The following OR9Q1 variants were observed in gnomAD, a reference collection of about 807,000 sequenced individuals.
OR9Q1 encodes the protein olfactory receptor 9Q1.
For missense variants in OR9Q1, 374 were observed against 378.8 expected (o/e 0.99, Z 0.11); for synonymous variants, 153 against 148.6 (o/e 1.03, Z -0.22).
chr11:58,179,424 G>A lies in OR9Q1; in HGVS notation c.-14-7G>A, dbSNP rs747768421. The A allele has an allele frequency of 6.6e-7, 1 of 1,504,384 alleles. No homozygotes were observed. Among genetic ancestry groups the A allele is most frequent in the Admixed American group, 2.1e-5 (1 of 47,508 alleles). The allele number at this position is 1,504,384 out of a possible 1,614,324, so 93.2% of individuals were successfully genotyped here. ...TCCTAACTTGCTTCCCATTCTACAT[G>A]TCTCAGGGACCACTGGTGTCATGGC... On this transcript the variant is annotated splice_region_variant and splice_polypyrimidine_tract_variant and intron_variant, in intron 2 of 2. Coordinates refer to ENST00000335397, the MANE Select transcript of OR9Q1 (RefSeq NM_001005212.4).
At chr11:58,117,649 T>C (rs1853970058) in intron 2 of OR9Q1, 1 of 152,202 alleles carries the variant, frequency 6.6e-6, no homozygotes, top group African/African-American at 2.4e-5. Context: ...TATTTATCTG[T>C]TGGTGCTCTC....
chr11:58,101,153 C>CAT (rs1226016488), intron 2 of OR9Q1, among the ~76,000 whole-genome samples: 3 of 151,730 alleles, frequency 2.0e-5, no homozygotes, highest in African/African-American at 7.3e-5. Flanking sequence ...AATAAATAAA[C>CAT]ATATATATAG....
chr11:58,105,946 C>T lies in OR9Q1; in HGVS notation c.-15+49999C>T, dbSNP rs76878132. ...GAATGTGGGAGTGCAGATCTTTCTT[C>T]GAGATCCTAATTTAAACTCTTTTGG... On this transcript the variant is annotated intron_variant, in intron 2 of 2. Coordinates refer to ENST00000335397, the MANE Select transcript of OR9Q1 (RefSeq NM_001005212.4). Among the ~76,000 whole-genome samples the T allele has an allele frequency of 2.8e-3, 420 of 152,112 alleles. 1 individual carries two copies. Among genetic ancestry groups the T allele is most frequent in the African/African-American group, 9.3e-3 (387 of 41,494 alleles).
At chr11:58,037,692 T>TAG (rs1565056527) in intron 1 of OR9Q1, among the ~76,000 whole-genome samples, 14 of 5,838 alleles carry the variant, frequency 2.4e-3, no homozygotes, top group African/African-American at 9.5e-3. Flanking sequence ...TATATATATT[T>TAG]TTTTTTTTTT....
At chr11:58,160,967 G>C (rs1854451575) in intron 2 of OR9Q1, among the ~76,000 whole-genome samples, 1 of 152,134 alleles carries the variant, frequency 6.6e-6, no homozygotes, top group Non-Finnish European at 1.5e-5. Flanking sequence ...AGTGAATGGA[G>C]AGAGTTAAGA....
At chr11:58,122,237 GGA>G (rs1267932284) in intron 2 of OR9Q1, among the ~76,000 whole-genome samples, 1 of 152,240 alleles carries the variant, frequency 6.6e-6, no homozygotes, top group African/African-American at 2.4e-5. Flanking sequence ...GGTCCTAGTG[GGA>G]GAGAGACATT....
intron 2 of OR9Q1, chr11:58,077,906 C>T (rs965093490): frequency 1.3e-5 from 2 of 152,202 alleles, no homozygotes; most frequent in African/African-American, 2.4e-5. Context: ...CCTGTAATCC[C>T]AGGACTTTAG....
At chr11:58,067,393 G>C (rs61904041) in intron 2 of OR9Q1, among the ~76,000 whole-genome samples, 23,873 of 152,104 alleles carry the variant, frequency 0.16, 2,019 homozygotes, top group Non-Finnish European at 0.19. Flanking sequence ...AGTGATCTTG[G>C]GCAAATCACC....
At chr11:58,177,737 G>A (rs1008363055) in intron 2 of OR9Q1, among the ~76,000 whole-genome samples, 5 of 152,210 alleles carry the variant, frequency 3.3e-5, no homozygotes, top group Admixed American at 6.5e-5. Context: ...AAAAATAAAA[G>A]TAATTCATTG....
At chr11:58,024,800 G>A (rs934921178) in intron 1 of OR9Q1, among the ~76,000 whole-genome samples, 1 of 152,178 alleles carries the variant, frequency 6.6e-6, no homozygotes, top group African/African-American at 2.4e-5. Flanking sequence ...GCTCACTGGA[G>A]CCTGTGGGAT....
At chr11:58,028,055 C>A (rs1338960637) in intron 1 of OR9Q1, among the ~76,000 whole-genome samples, 1 of 151,828 alleles carries the variant, frequency 6.6e-6, no homozygotes, top group African/African-American at 2.4e-5. Flanking sequence ...TGCTTTGTAC[C>A]AGGCCCTGGG....
chr11:58,097,208 A>C (rs1039291293), intron 2 of OR9Q1, among the ~76,000 whole-genome samples: 3 of 152,114 alleles, frequency 2.0e-5, no homozygotes, highest in Admixed American at 1.3e-4. Flanking sequence ...ATAAATATGA[A>C]TATTCTACAG....
At chr11:58,052,833 A>G (rs2119970032) in intron 1 of OR9Q1, among the ~76,000 whole-genome samples, 1 of 151,460 alleles carries the variant, frequency 6.6e-6, no homozygotes, top group African/African-American at 2.4e-5. Flanking sequence ...ATGCAGCCAA[A>G]AAACACATGA....
chr11:58,024,240 A>AT (rs1852948186), intron 1 of OR9Q1, 136 bp downstream of exon 1: 1 of 152,402 alleles, frequency 6.6e-6, no homozygotes, highest in East Asian at 1.9e-4. Flanking sequence ...GATGAGCTAG[A>AT]CCCAAGAGGA....
chr11:58,083,609 T>C (rs3974325), intron 2 of OR9Q1, among the ~76,000 whole-genome samples: 38,662 of 149,772 alleles, frequency 0.26, 5,596 homozygotes, highest in East Asian at 0.58. Flanking sequence ...CATTTAAGTC[T>C]TTAATCCATC....
At chr11:58,163,775 C>T (rs143485440) in intron 2 of OR9Q1, among the ~76,000 whole-genome samples, 24 of 152,308 alleles carry the variant, frequency 1.6e-4, no homozygotes, top group African/African-American at 5.8e-4. Flanking sequence ...TCTCCCAGGA[C>T]ACAGCTGGCG....
At chr11:58,076,369 GT>G (rs1029349530) in intron 2 of OR9Q1, among the ~76,000 whole-genome samples, 3 of 152,194 alleles carry the variant, frequency 2.0e-5, no homozygotes, top group Admixed American at 1.3e-4. Context: ...CTTTCAGGTT[GT>G]TGGTTGAATT....
intron 2 of OR9Q1, among the ~76,000 whole-genome samples, chr11:58,074,454 G>GT (rs933736717): frequency 8.6e-5 from 13 of 150,792 alleles, no homozygotes; most frequent in South Asian, 2.1e-4. Context: ...TGATGGAGTT[G>GT]TTTTTTTTTC....
chr11:58,161,239 TAAAAAA>T lies in OR9Q1; in HGVS notation c.-14-18181_-14-18176del, dbSNP rs201839734. Among the ~76,000 whole-genome samples, 4 of 113,932 alleles carry T rather than the reference TAAAAAA, an allele frequency of 3.5e-5. No homozygotes were observed. In the Admixed American group the frequency reaches 3.6e-4, roughly 10 times the overall value. The allele number at this position is 113,932 out of a possible 152,430, so 74.7% of individuals were successfully genotyped here. A position where few individuals can be genotyped will look rare whatever the true frequency, so the allele number is the denominator to read the frequency against. On this transcript the variant is annotated intron_variant, in intron 2 of 2. Coordinates refer to ENST00000335397, the MANE Select transcript of OR9Q1 (RefSeq NM_001005212.4). ...CACATGTACCCTAGAACGTAAAGTA[TAAAAAA>T]AAAAAAAAAAGAAAAGAGTTATATA...
Sources: gnomAD v4.1 joint callset for allele counts (sites outside exome capture counted in the v4.1 genomes callset) on GRCh38, gnomAD v4.1.1 for gene constraint, MANE v1.5 for transcripts, NCBI Gene and HGNC (gene_info 2026-07-23, HGNC 2026-07-21) for gene names.